BMAL2: variants seen among roughly 807,000 people sequenced by gnomAD.
BMAL2 encodes the protein basic helix-loop-helix ARNT-like protein 2.
At chr12:27,387,379 T>C in the BMAL2 span, 1 of 1,195,128 alleles carries the variant, frequency 8.4e-7, no homozygotes, top group South Asian at 1.3e-5. Context: ...AAACACATAT[T>C]TTTAAGCTCT....
the BMAL2 span, chr12:27,332,907 C>G: frequency 1 from 287,659 of 287,700 alleles, 143,811 homozygotes; most frequent in Middle Eastern, 1. Flanking sequence ...GGCGGCGTCC[C>G]GTGCGCGCCT....
At chr12:27,361,536 CAT>C in the BMAL2 span, among the ~76,000 whole-genome samples, 2 of 152,244 alleles carry the variant, frequency 1.3e-5, no homozygotes, top group Non-Finnish European at 2.9e-5. Context: ...AACATTAAGT[CAT>C]ATACTTCCAA....
chr12:27,371,715 T>TAC, the BMAL2 span, among the ~76,000 whole-genome samples: 98 of 103,954 alleles, frequency 9.4e-4, 1 homozygote, highest in South Asian at 0.015. Flanking sequence ...GGTAAATACA[T>TAC]ACACACACAC....
the BMAL2 span, among the ~76,000 whole-genome samples, chr12:27,339,627 C>T: frequency 8.7e-5 from 13 of 149,938 alleles, no homozygotes; most frequent in East Asian, 4.3e-4. Flanking sequence ...TACTTTTTGA[C>T]CTTTTTTTTT....
chr12:27,390,223 C>G, the BMAL2 span: 3 of 1,613,612 alleles, frequency 1.9e-6, no homozygotes, highest in African/African-American at 4.0e-5. Context: ...GATGCTTACC[C>G]AACTCAAAGA....
chr12:27,410,531 T>C, the BMAL2 span, among the ~76,000 whole-genome samples: 2 of 151,832 alleles, frequency 1.3e-5, no homozygotes, highest in Admixed American at 1.3e-4. Context: ...CACTCATAGG[T>C]GGGAATTGAA....
the BMAL2 span, chr12:27,368,349 C>T: frequency 6.2e-7 from 1 of 1,613,950 alleles, no homozygotes; most frequent in Non-Finnish European, 8.5e-7. Context: ...GCTATGGGGT[C>T]TTTCAGCTCA....
the BMAL2 span, among the ~76,000 whole-genome samples, chr12:27,384,009 G>A: frequency 6.6e-6 from 1 of 152,308 alleles, no homozygotes; most frequent in Non-Finnish European, 1.5e-5. Flanking sequence ...TGGTTAAAAT[G>A]TCTAAGGATG....
chr12:27,390,234 A>G, the BMAL2 span: 1 of 1,613,720 alleles, frequency 6.2e-7, no homozygotes, highest in Non-Finnish European at 8.5e-7. Context: ...AACTCAAAGA[A>G]GAAAGGTATC....
At chr12:27,334,305 G>C in the BMAL2 span, among the ~76,000 whole-genome samples, 3 of 152,124 alleles carry the variant, frequency 2.0e-5, no homozygotes, top group African/African-American at 7.2e-5. Context: ...AAATCTCTTA[G>C]TCTAAGTTCC....
chr12:27,380,507 G>A, the BMAL2 span: 2 of 1,264,696 alleles, frequency 1.6e-6, no homozygotes, highest in Non-Finnish European at 1.1e-6. Flanking sequence ...GTTCTATCCA[G>A]ATGTGTCTTT....
the BMAL2 span, among the ~76,000 whole-genome samples, chr12:27,384,222 G>A: frequency 2.6e-5 from 4 of 152,154 alleles, no homozygotes; most frequent in African/African-American, 9.7e-5. Context: ...ATCTGGGTTG[G>A]TGGATTCCCT....
the BMAL2 span, among the ~76,000 whole-genome samples, chr12:27,391,508 A>G: frequency 6.6e-6 from 1 of 152,202 alleles, no homozygotes; most frequent in Admixed American, 6.5e-5. Context: ...ATACAAGTGC[A>G]TATGTCTTTT....
the BMAL2 span, chr12:27,422,501 C>T: frequency 2.0e-5 from 3 of 152,274 alleles, no homozygotes; most frequent in East Asian, 1.9e-4. Context: ...GCAGGGGCTT[C>T]GTGGGCAAGG....
the BMAL2 span, chr12:27,333,188 G>A: frequency 2.0e-5 from 23 of 1,175,524 alleles, no homozygotes; most frequent in African/African-American, 2.7e-4. Flanking sequence ...CGCCAGGTCT[G>A]CCCCCGCTGC....
the BMAL2 span, among the ~76,000 whole-genome samples, chr12:27,379,033 TA>T: frequency 0.03 from 4,316 of 145,542 alleles, 202 homozygotes; most frequent in African/African-American, 0.097. Context: ...GCTAGTGAGC[TA>T]AAAAAAAAAA....
At chr12:27,418,000 T>TA in the BMAL2 span, 1 of 846,670 alleles carries the variant, frequency 1.2e-6, no homozygotes, top group African/African-American at 1.8e-5. Context: ...CTCAAAAAAA[T>TA]AAAAAATAAA....
the BMAL2 span, among the ~76,000 whole-genome samples, chr12:27,374,721 G>T: frequency 2.0e-4 from 30 of 152,270 alleles, no homozygotes; most frequent in Non-Finnish European, 3.1e-4. Flanking sequence ...GAGAGAAATG[G>T]CCAGGTATGG....
At chr12:27,406,511 G>C in the BMAL2 span, among the ~76,000 whole-genome samples, 1 of 152,200 alleles carries the variant, frequency 6.6e-6, no homozygotes, top group Non-Finnish European at 1.5e-5. Context: ...ATAAGTGAAA[G>C]AGGAATAAAA....
Sources: allele counts gnomAD v4.1 joint callset (sites outside exome capture counted in the v4.1 genomes callset), GRCh38; gene constraint gnomAD v4.1.1; transcripts MANE v1.5; gene names NCBI Gene and HGNC (gene_info 2026-07-23, HGNC 2026-07-21).